Variants in TDRD5 observed in about 807,000 individuals in gnomAD.
TDRD5 encodes tudor domain containing 5.
TDRD5 carries 41 observed loss-of-function variants against 120.6 expected under a neutral mutation model. That is an observed-to-expected ratio of 0.34 (90% CI 0.26 to 0.44). The LOEUF is 0.44. Among genes scored for constraint, TDRD5 ranks in the 20% least tolerant of loss-of-function variants. The probability of loss-of-function intolerance (pLI) is 1.00; values close to 1 mark genes in which losing one functional copy is unlikely to be tolerated. For synonymous variants in TDRD5, 430 were observed against 433.7 expected (o/e 0.99, Z 0.11); for missense variants, 1,006 against 1,221.2 (o/e 0.82, Z 2.63).
chr1:179,677,012 G>C (rs995555054), intron 17 of TDRD5, among the ~76,000 whole-genome samples: 6 of 152,068 alleles, frequency 3.9e-5, no homozygotes, highest in African/African-American at 7.2e-5. Context: ...GTTTAACCTA[G>C]TCCCAAACTT....
intron 4 of TDRD5, among the ~76,000 whole-genome samples, chr1:179,599,868 T>C (rs191781755): frequency 3.3e-5 from 5 of 152,306 alleles, no homozygotes; most frequent in Admixed American, 2.0e-4. Flanking sequence ...TGTAACAACA[T>C]AGTGCAATGC....
intron 17 of TDRD5, among the ~76,000 whole-genome samples, chr1:179,671,592 T>A (rs1679855696): frequency 7.7e-6 from 1 of 130,260 alleles, no homozygotes; most frequent in Non-Finnish European, 1.7e-5. Context: ...TTTTAAAATT[T>A]AAAAAATTTA....
chr1:179,678,934 A>C (rs542007110), intron 17 of TDRD5, among the ~76,000 whole-genome samples: 6 of 151,974 alleles, frequency 3.9e-5, no homozygotes, highest in African/African-American at 1.4e-4. Context: ...ACATCCTTGC[A>C]TTGTTGTTGA....
chr1:179,643,847 A>G (rs906551994), intron 11 of TDRD5, among the ~76,000 whole-genome samples: 8 of 152,184 alleles, frequency 5.3e-5, no homozygotes, highest in African/African-American at 1.4e-4. Flanking sequence ...AAGAATATCA[A>G]CAAACTCCAA....
chr1:179,690,312 T>C (rs987757685), intron 17 of TDRD5, among the ~76,000 whole-genome samples: 1 of 152,238 alleles, frequency 6.6e-6, no homozygotes, highest in Non-Finnish European at 1.5e-5. Context: ...ACTGTGGCAA[T>C]AGAATGCCTG....
At chr1:179,597,114 T>G (rs1675434811) in intron 4 of TDRD5, among the ~76,000 whole-genome samples, 1 of 152,224 alleles carries the variant, frequency 6.6e-6, no homozygotes, top group Non-Finnish European at 1.5e-5. Context: ...AAGTGTCTAT[T>G]CAAATATTTT....
At chr1:179,647,310 A>C (rs1354700412) in intron 11 of TDRD5, among the ~76,000 whole-genome samples, 1 of 144,418 alleles carries the variant, frequency 6.9e-6, no homozygotes, top group Admixed American at 7.0e-5. Context: ...ATCTACAACT[A>C]TCTGATCTTT....
At chr1:179,644,509 A>C (rs1427002935) in intron 11 of TDRD5, among the ~76,000 whole-genome samples, 1 of 152,096 alleles carries the variant, frequency 6.6e-6, no homozygotes, top group Admixed American at 6.6e-5. Context: ...ATTTTGACTA[A>C]TTTTTTAATC....
intron 8 of TDRD5, 109 bp downstream of exon 8, chr1:179,634,738 A>G (rs1001472845): frequency 8.0e-7 from 1 of 1,250,770 alleles, no homozygotes; most frequent in African/African-American, 1.5e-5. Flanking sequence ...ATTTCTGGAT[A>G]TATCATTTAT....
chr1:179,623,580 T>C (rs922835155), intron 6 of TDRD5, among the ~76,000 whole-genome samples: 1 of 150,514 alleles, frequency 6.6e-6, no homozygotes, highest in African/African-American at 2.4e-5. Flanking sequence ...ATTAGTCATA[T>C]ACAGATTGTT....
chr1:179,648,638 C>CA (rs955084744), intron 11 of TDRD5, among the ~76,000 whole-genome samples: 5 of 141,388 alleles, frequency 3.5e-5, no homozygotes, highest in African/African-American at 7.8e-5. Context: ...AAAAAAAAAA[C>CA]AAAAAAAAAT....
chr1:179,630,067 C>T (rs1677350322), intron 6 of TDRD5, among the ~76,000 whole-genome samples: 1 of 151,730 alleles, frequency 6.6e-6, no homozygotes, highest in South Asian at 2.1e-4. Context: ...GCAAGCTCCA[C>T]CTCCTGGGTT....
At chr1:179,656,948 G>T (rs1679038774) in intron 14 of TDRD5, among the ~76,000 whole-genome samples, 1 of 152,140 alleles carries the variant, frequency 6.6e-6, no homozygotes, top group South Asian at 2.1e-4. Context: ...AGCTACTTAG[G>T]AGACTGAGAC....
In TDRD5 at chr1:179,650,449, A is replaced by G. The variant is rs77984529; in HGVS notation, c.1801-418A>G. 8.8e-3 allele frequency among the ~76,000 whole-genome samples: 1,328 copies of G among 151,140 alleles called. 48 individuals carry two copies. Among genetic ancestry groups the G allele is most frequent in the East Asian group, 0.063 (323 of 5,134 alleles). The stretch of plus-strand genomic sequence containing the variant: ...GTTCAAATTGCCTGGATTAGCAGAT[A>G]CCCTTAAGACAAAAGAAGTAGTTCC... On this transcript the variant is annotated intron_variant, in intron 11 of 17. Coordinates refer to ENST00000444136, the MANE Select transcript of TDRD5 (RefSeq NM_001199085.3).
At chr1:179,622,401 A>C (rs538923581) in intron 6 of TDRD5, among the ~76,000 whole-genome samples, 1 of 152,324 alleles carries the variant, frequency 6.6e-6, no homozygotes, top group South Asian at 2.1e-4. Flanking sequence ...ATTACTAGAC[A>C]CAGTAAGAAA....
At chr1:179,688,341 ATTCTT>A (rs1324365587) in intron 17 of TDRD5, among the ~76,000 whole-genome samples, 8 of 152,130 alleles carry the variant, frequency 5.3e-5, no homozygotes, top group Non-Finnish European at 1.2e-4. Context: ...TGGGTTGAAA[ATTCTT>A]TTCTTTAAGA....
At chr1:179,593,964 C>A in intron 3 of TDRD5, 97 bp downstream of exon 3, 3 of 1,453,474 alleles carry the variant, frequency 2.1e-6, no homozygotes. Context: ...CCTGGCTCTA[C>A]TACTTGCCAG....
chr1:179,655,579 C>T (rs1275012012), intron 14 of TDRD5, among the ~76,000 whole-genome samples: 1 of 152,154 alleles, frequency 6.6e-6, no homozygotes, highest in Non-Finnish European at 1.5e-5. Flanking sequence ...TAAAATAACT[C>T]CCTTGTGCTA....
At position 179,639,960 on chromosome 1, in the gene TDRD5, C is replaced by T; in HGVS notation, c.1642C>T (p.His548Tyr). The part of the protein sequence containing the change: ...EDKWWYRVII[H>Y]RVLEKQEVEV... ...TAAGTGGTGGTATCGGGTCATTATCCATCGAGTCCTTGAGAAACAGGAAGT... is the reference window on the plus strand; with the variant it reads ...TAAGTGGTGGTATCGGGTCATTATCTATCGAGTCCTTGAGAAACAGGAAGT... The change falls in exon 10 of 18, where the codon CAT becomes TAT. Residue 548 changes from histidine to tyrosine, a missense_variant. His to Tyr is a moderately conservative substitution (Grantham distance 83, BLOSUM62 2). This residue lies in a region of TDRD5 where 158 missense variants were observed against 257.5 expected (regional missense o/e 0.61). Transcript: ENST00000444136. 3.7e-6 allele frequency: 6 copies of T among 1,614,074 alleles called. No individual in the cohort carries two copies. The highest frequency in any genetic ancestry group is 5.1e-6 in the Non-Finnish European group (6 of 1,179,984).
Sources: gnomAD v4.1 joint callset for allele counts (sites outside exome capture counted in the v4.1 genomes callset) on GRCh38, gnomAD v4.1.1 for gene constraint, gnomAD v4.1.1 regional missense constraint, MANE v1.5 for transcripts, NCBI Gene and HGNC (gene_info 2026-07-23, HGNC 2026-07-21) for gene names.